Variants in ADAMTS2 observed in about 807,000 individuals in gnomAD.
ADAMTS2 encodes the protein ADAM metallopeptidase with thrombospondin type 1 motif 2.
ADAMTS2 carries 50 observed loss-of-function variants against 123.0 expected under a neutral mutation model. The ratio of observed to expected loss-of-function variants is 0.41; its 90% CI spans 0.32 to 0.51. The LOEUF (loss-of-function observed/expected upper bound fraction) is 0.51. ADAMTS2 is among the 20% of genes least tolerant of loss of function. The pLI, the probability that ADAMTS2 is intolerant of heterozygous loss-of-function variation, is 0.35. For missense variants in ADAMTS2, 1,494 were observed against 1,705.2 expected, an observed-to-expected ratio of 0.88 and a Z score of 2.18; for synonymous variants, 678 against 695.4, an observed-to-expected ratio of 0.98 and a Z score of 0.39.
At chr5:179,196,673 C>T (rs561136661) in intron 4 of ADAMTS2, among the ~76,000 whole-genome samples, 1 of 152,330 alleles carries the variant, frequency 6.6e-6, no homozygotes, top group Non-Finnish European at 1.5e-5. Flanking sequence ...TAGTGAAAGG[C>T]ACATGCTCAC....
In ADAMTS2 at chr5:179,251,426, A is replaced by G. The variant is rs1483682013; in HGVS notation, c.688+21485T>C. 2.0e-5 allele frequency among the ~76,000 whole-genome samples: 3 copies of G among 152,102 alleles called. No individual in the cohort carries two copies. In the South Asian group the frequency reaches 6.2e-4, roughly 32 times the overall value. On this transcript the variant is annotated intron_variant, in intron 3 of 21. Coordinates refer to ENST00000251582, the MANE Select transcript of ADAMTS2 (RefSeq NM_014244.5). ...CCTCCATCACCTCCCCAATTTATGA[A>G]TTAAACAACGAGGCCAGTGCCTGAG...
Position 179,262,517 on chromosome 5 carries a change from G to A in ADAMTS2, c.688+10394C>T, listed in dbSNP as rs1012265382. Among the ~76,000 whole-genome samples, 1 of 151,784 alleles carries A rather than the reference G, an allele frequency of 6.6e-6. No homozygotes were observed. Among genetic ancestry groups the A allele is most frequent in the African/African-American group, 2.4e-5 (1 of 41,286 alleles). On this transcript the variant is annotated intron_variant, in intron 3 of 21. Transcript: ENST00000251582. This position sits in a 1 kb window ranked among gnomAD's most constrained non-coding sequence, Gnocchi z 5.9. ...CCACCCATCCCTCCCGGCCCTGCAC[G>A]CCTCCCACTCCCCCATTACGTCCTC...
chr5:179,163,976 C>A (rs918681582), intron 5 of ADAMTS2, among the ~76,000 whole-genome samples: 1 of 152,076 alleles, frequency 6.6e-6, no homozygotes, highest in African/African-American at 2.4e-5. Context: ...GCCAGGGGAG[C>A]CCTGGGAGGC....
chr5:179,309,757 C>CAAAAAAAAA (rs34487269), intron 2 of ADAMTS2, among the ~76,000 whole-genome samples: 3 of 44,448 alleles, frequency 6.7e-5, no homozygotes, highest in African/African-American at 1.5e-4. Context: ...ACTCAGTCTC[C>CAAAAAAAAA]AAAAAAAAAA....
At chr5:179,121,833 G>C (rs888656746) in intron 20 of ADAMTS2, 83 bp from the exon 21 acceptor site, 1 of 960,662 alleles carries the variant, frequency 1.0e-6, no homozygotes, top group Non-Finnish European at 1.5e-6. Context: ...GGGTCTCCCG[G>C]GGTCCTGGGG....
chr5:179,159,631 C>T (rs568026902), intron 5 of ADAMTS2, among the ~76,000 whole-genome samples: 14 of 152,222 alleles, frequency 9.2e-5, no homozygotes, highest in African/African-American at 2.4e-4. Context: ...AGGGTGGCCT[C>T]GGGACCGCTC....
intron 21 of ADAMTS2, chr5:179,121,019 ACT>A (rs1036625713): frequency 4.9e-4 from 75 of 152,004 alleles, no homozygotes; most frequent in African/African-American, 1.6e-3. Flanking sequence ...CCAGACGGCC[ACT>A]CTCTCTCTCA....
intron 4 of ADAMTS2, among the ~76,000 whole-genome samples, chr5:179,206,966 G>A (rs572289660): frequency 3.3e-5 from 5 of 152,130 alleles, no homozygotes; most frequent in East Asian, 1.9e-4. Flanking sequence ...CTCCCACTGC[G>A]AGCTTTAAGG....
chr5:179,344,018 G>A lies in ADAMTS2; in HGVS notation c.283C>T (p.Pro95Ser). 1 of 1,612,688 alleles carries A rather than the reference G, an allele frequency of 6.2e-7. No homozygotes were observed. The highest frequency in any genetic ancestry group is 8.5e-7 in the Non-Finnish European group (1 of 1,179,886). The change falls in exon 2 of 22, where the codon CCG becomes TCG. Residue 95 changes from proline (P) to serine (S), a missense_variant. Physicochemically the swap from Pro to Ser is moderately conservative, Grantham distance 74. Coordinates refer to ENST00000251582, the MANE Select transcript of ADAMTS2 (RefSeq NM_014244.5). ...TCCTCGTTGCCTCCGGGGAAGCTCG[G>A]GGTCCGGACCGGGGCGGCCCTGCGG... ...RARRAAPVRT[P>S]SFPGGNEEEP...
At chr5:179,261,417 A>G (rs1358328422) in intron 3 of ADAMTS2, among the ~76,000 whole-genome samples, 1 of 152,202 alleles carries the variant, frequency 6.6e-6, no homozygotes, top group Non-Finnish European at 1.5e-5. Flanking sequence ...GAGTCTGTTA[A>G]GCGCTGGGAT....
At position 179,269,512 on chromosome 5, in the gene ADAMTS2, G is replaced by A. The variant is rs1766470385; in HGVS notation, c.688+3399C>T. Among the ~76,000 whole-genome samples, 4 of 152,082 alleles carry A rather than the reference G, an allele frequency of 2.6e-5. No individual in the cohort carries two copies. In the South Asian group the frequency reaches 8.3e-4, roughly 32 times the overall value. On this transcript the variant is annotated intron_variant, in intron 3 of 21. Transcript: ENST00000251582. ...CGTTTTTAAAACCCTCAGATCTCGTGAGACCCACTCACCATCATGAGAACA... is the reference window on the plus strand; with the variant it reads ...CGTTTTTAAAACCCTCAGATCTCGTAAGACCCACTCACCATCATGAGAACA...
chr5:179,163,302 T>C (rs1001987137), intron 5 of ADAMTS2, among the ~76,000 whole-genome samples: 6 of 152,182 alleles, frequency 3.9e-5, no homozygotes, highest in South Asian at 2.1e-4. Flanking sequence ...CAGAGGAATA[T>C]TTCCCTATTA....
intron 4 of ADAMTS2, among the ~76,000 whole-genome samples, chr5:179,193,128 C>T (rs1764344115): frequency 6.6e-6 from 1 of 152,160 alleles, no homozygotes. Flanking sequence ...TCTCCACTAC[C>T]AGGTGGAGAC....
intron 2 of ADAMTS2, among the ~76,000 whole-genome samples, chr5:179,275,320 G>A (rs1223584793): frequency 3.3e-5 from 5 of 152,080 alleles, no homozygotes; most frequent in South Asian, 4.1e-4. Flanking sequence ...GGTGAGGAGC[G>A]AAATGGACAG....
intron 3 of ADAMTS2, among the ~76,000 whole-genome samples, chr5:179,221,531 C>T (rs549096988): frequency 6.6e-6 from 1 of 152,300 alleles, no homozygotes; most frequent in South Asian, 2.1e-4. Flanking sequence ...GAGGACAACC[C>T]CGGGGACCAC....
chr5:179,230,779 G>A (rs1765394723), intron 3 of ADAMTS2, among the ~76,000 whole-genome samples: 2 of 152,246 alleles, frequency 1.3e-5, no homozygotes, highest in African/African-American at 4.8e-5. Context: ...GGGAGGCCGA[G>A]GCAGGCGGAT....
rs773819535 is a variant in ADAMTS2 at position 179,180,561 on chromosome 5, G to C, written c.975+511C>G. Among the ~76,000 whole-genome samples, 1 of 152,036 alleles carries C rather than the reference G, an allele frequency of 6.6e-6. No homozygotes were observed. Among genetic ancestry groups the C allele is most frequent in the Non-Finnish European group, 1.5e-5 (1 of 68,006 alleles). On this transcript the variant is annotated intron_variant, in intron 5 of 21. Transcript: ENST00000251582. This position sits in a 1 kb window ranked among gnomAD's most constrained non-coding sequence, Gnocchi z 4.6. ...TCAGATACAAACCAACCAATCCAGC[G>C]CCCATGTCCCCAGCCACCTCCTTTA...
intron 2 of ADAMTS2, among the ~76,000 whole-genome samples, chr5:179,298,358 G>A (rs952262976): frequency 7.2e-5 from 11 of 152,194 alleles, no homozygotes; most frequent in Non-Finnish European, 1.0e-4. Flanking sequence ...TGGGGACCCC[G>A]TTAATGGGAT....
At chr5:179,229,482 T>C (rs1703161) in intron 3 of ADAMTS2, among the ~76,000 whole-genome samples, 2,256 of 97,774 alleles carry the variant, frequency 0.023, 120 homozygotes, top group African/African-American at 0.067. Context: ...TCCACAAACA[T>C]GAGACCCCGC....
Sources: allele counts gnomAD v4.1 joint callset (sites outside exome capture counted in the v4.1 genomes callset), GRCh38; gene constraint gnomAD v4.1.1; non-coding constraint Gnocchi (gnomAD v3.1); transcripts MANE v1.5; gene names NCBI Gene and HGNC (gene_info 2026-07-23, HGNC 2026-07-21).